The following NRXN1 variants were observed in gnomAD, a reference collection of about 807,000 sequenced individuals.
NRXN1 encodes neurexin-1.
Under a neutral mutation model 150.9 loss-of-function variants are expected in NRXN1, and 39 were observed. The observed-to-expected ratio is 0.26, with a 90% confidence interval of 0.20 to 0.34. NRXN1 has a LOEUF of 0.34. NRXN1 is among the 10% of genes least tolerant of loss of function. NRXN1 has a pLI of 1.00. For synonymous variants in NRXN1, 924 were observed against 757.0 expected (o/e 1.22, Z -3.62); for missense variants, 1,815 against 1,949.9 (o/e 0.93, Z 1.30).
At chr2:50,834,579 A>G (rs546253311) in intron 5 of NRXN1, among the ~76,000 whole-genome samples, 1 of 152,316 alleles carries the variant, frequency 6.6e-6, no homozygotes, top group African/African-American at 2.4e-5. Context: ...AATAATTGGT[A>G]CGTGATCTCA....
Position 50,497,413 on chromosome 2 carries a change from G to A in NRXN1, c.2799C>T (p.Phe933=), listed in dbSNP as rs933775154. Reference sequence around the variant, plus strand: ...TTAATCCATCTAGGGATGTTGTCTTGAACTGGAAAAAAAGATGCATAGAAG... The same window carrying A: ...TTAATCCATCTAGGGATGTTGTCTTAAACTGGAAAAAAAGATGCATAGAAG... ...AYTSMHLFFQ[F]KTTSLDGLIL... is the part of the protein sequence containing the mutation. Residue 933 remains phenylalanine, a synonymous_variant, in exon 14 of 23, where the codon TTC becomes TTT. Transcript: ENST00000401669. The A allele has an allele frequency of 6.2e-7, 1 of 1,608,106 alleles. No individual in the cohort carries two copies.
intron 21 of NRXN1, among the ~76,000 whole-genome samples, chr2:49,985,638 C>G (rs962004190): frequency 3.9e-5 from 6 of 152,178 alleles, no homozygotes; most frequent in Non-Finnish European, 8.8e-5. Context: ...TTGAGATTCT[C>G]TACTTCCACT....
chr2:50,597,791 T>G (rs1041072821), intron 8 of NRXN1, among the ~76,000 whole-genome samples: 2 of 152,088 alleles, frequency 1.3e-5, no homozygotes, highest in African/African-American at 4.8e-5. Context: ...TGAGTGAGTC[T>G]AAAAAAATGA....
At chr2:50,575,752 T>C (rs1024937018) in intron 8 of NRXN1, among the ~76,000 whole-genome samples, 7 of 152,204 alleles carry the variant, frequency 4.6e-5, no homozygotes, top group African/African-American at 1.7e-4. Flanking sequence ...GTACACCATG[T>C]CTGACTTGTA....
At chr2:50,413,182 T>G (rs1477234426) in intron 17 of NRXN1, among the ~76,000 whole-genome samples, 1 of 152,120 alleles carries the variant, frequency 6.6e-6, no homozygotes, top group Non-Finnish European at 1.5e-5. Context: ...GCAAACCCTC[T>G]ATCTAACAAG....
At chr2:50,449,588 T>C (rs1203520188) in intron 17 of NRXN1, among the ~76,000 whole-genome samples, 1 of 152,208 alleles carries the variant, frequency 6.6e-6, no homozygotes, top group South Asian at 2.1e-4. Flanking sequence ...TTGCAGGTGC[T>C]GCTGATGCTC....
At chr2:50,306,635 T>A (rs1192993379) in intron 17 of NRXN1, among the ~76,000 whole-genome samples, 2 of 152,240 alleles carry the variant, frequency 1.3e-5, no homozygotes, top group African/African-American at 2.4e-5. Flanking sequence ...TACATTTTTT[T>A]ATATAAATCA....
At chr2:50,686,541 C>T (rs1174619624) in intron 5 of NRXN1, among the ~76,000 whole-genome samples, 2 of 152,174 alleles carry the variant, frequency 1.3e-5, no homozygotes, top group African/African-American at 4.8e-5. Flanking sequence ...TACTGCTTGT[C>T]TTCTTTAATA....
At chr2:50,381,996 C>A (rs902970442) in intron 17 of NRXN1, among the ~76,000 whole-genome samples, 2 of 152,052 alleles carry the variant, frequency 1.3e-5, no homozygotes, top group Middle Eastern at 3.2e-3. Context: ...GTCTGACCAA[C>A]CAGGACTGGG....
chr2:50,936,965 T>C (rs1688648336), intron 2 of NRXN1, among the ~76,000 whole-genome samples: 8 of 152,154 alleles, frequency 5.3e-5, no homozygotes, highest in Admixed American at 5.2e-4. Context: ...ACTTCAATGT[T>C]TTATCTATTC....
chr2:50,877,527 G>C (rs1447747145), intron 5 of NRXN1, among the ~76,000 whole-genome samples: 1 of 151,714 alleles, frequency 6.6e-6, no homozygotes, highest in Non-Finnish European at 1.5e-5. Context: ...TTCTTTCTTT[G>C]AGTTCTTTAT....
At chr2:50,061,816 C>A (rs1168863961) in intron 19 of NRXN1, among the ~76,000 whole-genome samples, 1 of 152,108 alleles carries the variant, frequency 6.6e-6, no homozygotes. Context: ...CTGTTGGTAC[C>A]TTCACTGAAA....
chr2:50,480,290 G>T (rs142641939), intron 15 of NRXN1, among the ~76,000 whole-genome samples: 3 of 152,196 alleles, frequency 2.0e-5, no homozygotes, highest in Non-Finnish European at 4.4e-5. Flanking sequence ...GTAGTAATGA[G>T]AACCCATGCA....
At chr2:50,499,968 T>G (rs1363641189) in intron 13 of NRXN1, among the ~76,000 whole-genome samples, 1 of 135,904 alleles carries the variant, frequency 7.4e-6, no homozygotes, top group South Asian at 2.2e-4. Context: ...AAAAAAAAAG[T>G]CATATGGGCT....
intron 17 of NRXN1, among the ~76,000 whole-genome samples, chr2:50,271,261 T>C (rs528764600): frequency 6.6e-6 from 1 of 152,284 alleles, no homozygotes; most frequent in South Asian, 2.1e-4. Flanking sequence ...TAATGGAAAG[T>C]ATCATGATTT....
chr2:50,080,855 T>C (rs78764558), intron 19 of NRXN1, among the ~76,000 whole-genome samples: 1,835 of 152,240 alleles, frequency 0.012, 33 homozygotes, highest in African/African-American at 0.042. Context: ...CCACATTTCA[T>C]TGGAAGCATG....
chr2:51,017,811 A>C (rs1575237406), intron 2 of NRXN1, among the ~76,000 whole-genome samples: 1 of 152,180 alleles, frequency 6.6e-6, no homozygotes, highest in South Asian at 2.1e-4. Context: ...TAAATAAATA[A>C]TTACATTATT....
Position 50,795,458 on chromosome 2 carries a change from A to G in NRXN1, c.832+126411T>C, listed in dbSNP as rs181758029. Among the ~76,000 whole-genome samples, 14 of 151,974 alleles carry G rather than the reference A, an allele frequency of 9.2e-5. No homozygotes were observed. The East Asian group carries it at 1.7e-3, about 19-fold the overall frequency. ...TAAACTAAAAGATCAATCCACTCCA[A>G]CCTGGAAGATTGCATTTTCTTTCCT... On this transcript the variant is annotated intron_variant, in intron 5 of 22. Coordinates refer to ENST00000401669, the MANE Select transcript of NRXN1 (RefSeq NM_001330078.2).
chr2:50,859,511 CA>C (rs1016873447), intron 5 of NRXN1, among the ~76,000 whole-genome samples: 1 of 147,720 alleles, frequency 6.8e-6, no homozygotes, highest in African/African-American at 2.5e-5. Context: ...AGAAGGGGTG[CA>C]AAAAAAAGAG....
Sources: allele counts gnomAD v4.1 joint callset (sites outside exome capture counted in the v4.1 genomes callset), GRCh38; gene constraint gnomAD v4.1.1; transcripts MANE v1.5; gene names NCBI Gene and HGNC (gene_info 2026-07-23, HGNC 2026-07-21).